Variants in PLD1 observed in about 807,000 individuals in gnomAD.
PLD1 encodes the protein choline phosphatase 1.
In PLD1, 112 loss-of-function variants were observed where a neutral mutation model predicts 137.1. The observed-to-expected ratio is 0.82, with a 90% CI of 0.70 to 0.96. PLD1 has a LOEUF of 0.96. PLD1 is among the 40% of genes least tolerant of loss of function. The pLI is 0.00. For missense variants in PLD1, 1,321 were observed against 1,342.0 expected (o/e 0.98, Z 0.24); for synonymous variants, 431 against 454.7 (o/e 0.95, Z 0.66).
At chr3:171,735,378 C>G in intron 4 of PLD1, 114 bp downstream of exon 4, 1 of 844,842 alleles carries the variant, frequency 1.2e-6, no homozygotes, top group Non-Finnish European at 2.0e-6. Flanking sequence ...TCAACTGATC[C>G]TCCTGCCTCA....
intron 11 of PLD1, 143 bp from the exon 12 acceptor site, chr3:171,699,969 A>G: frequency 1.5e-6 from 1 of 677,180 alleles, no homozygotes; most frequent in Non-Finnish European, 2.6e-6. Flanking sequence ...CTTTACTATG[A>G]GTCTAGGAAC....
chr3:171,607,406 A>C (rs966563049), intron 25 of PLD1, among the ~76,000 whole-genome samples: 17 of 152,210 alleles, frequency 1.1e-4, no homozygotes, highest in African/African-American at 4.1e-4. Context: ...TTAGAGCAAG[A>C]GATAAGCCAA....
chr3:171,606,251 G>A (rs972740335), intron 25 of PLD1, among the ~76,000 whole-genome samples: 42 of 152,160 alleles, frequency 2.8e-4, no homozygotes, highest in African/African-American at 6.5e-4. Context: ...AGCTGTAGTC[G>A]CCTTTAGCTG....
In PLD1 at chr3:171,620,740, CTCTATATA is replaced by C. The variant is rs1441898514; in HGVS notation, c.2594-228_2594-221del. On this transcript the variant is annotated intron_variant, in intron 23 of 26. Transcript: ENST00000351298. The stretch of plus-strand genomic sequence containing the variant: ...GCTTTCTCTCTCTCTCTCTCTCTCT[CTCTATATA>C]TATATATATATATATATATATTATA... Among the ~76,000 whole-genome samples the C allele has an allele frequency of 3.3e-3, 266 of 80,502 alleles. 1 individual carries two copies. The highest frequency in any genetic ancestry group is 6.8e-3 in the African/African-American group (132 of 19,536). 52.8% of individuals were successfully genotyped at this position (80,502 alleles called of 152,430 possible).
chr3:171,626,346 A>T (rs1042384934), intron 23 of PLD1, among the ~76,000 whole-genome samples: 2 of 152,226 alleles, frequency 1.3e-5, no homozygotes, highest in African/African-American at 2.4e-5. Context: ...GAAATATGGG[A>T]CTATGTGAAA....
At chr3:171,678,471 C>A (rs1713612948) in intron 16 of PLD1, among the ~76,000 whole-genome samples, 1 of 152,146 alleles carries the variant, frequency 6.6e-6, no homozygotes, top group South Asian at 2.1e-4. Flanking sequence ...TGTGCCGAGA[C>A]CATTGACTTA....
At chr3:171,656,470 C>T (rs1012676875) in intron 21 of PLD1, among the ~76,000 whole-genome samples, 3 of 152,212 alleles carry the variant, frequency 2.0e-5, no homozygotes, top group African/African-American at 7.2e-5. Context: ...CATGCCCAGC[C>T]TAATTTTATT....
rs748985008 is a variant in PLD1, at chr3:171,737,924, T to A, written c.128A>T (p.Asp43Val). The stretch of plus-strand genomic sequence containing the variant: ...TATCTTGGGATCGCTGGGAGACACG[T>A]CGTAGTCTACCTCCTCTCCCTCAAA... ...LHFEGEEVDY[D>V]VSPSDPKIQE... The change falls in exon 2 of 27, where the codon GAC becomes GTC. Residue 43 changes from aspartate to valine, a missense_variant. Coordinates refer to ENST00000351298, the MANE Select transcript of PLD1 (RefSeq NM_002662.5). The A allele has an allele frequency of 6.2e-7, 1 of 1,613,972 alleles. No individual in the cohort carries two copies. The highest frequency in any genetic ancestry group is 1.1e-5 in the South Asian group (1 of 91,054).
chr3:171,660,397 A>G (rs1204543855), intron 20 of PLD1, among the ~76,000 whole-genome samples: 1 of 152,068 alleles, frequency 6.6e-6, no homozygotes, highest in Non-Finnish European at 1.5e-5. Flanking sequence ...GAAGCTTAGC[A>G]TGCCTCAGCA....
At chr3:171,625,296 G>A (rs957560395) in intron 23 of PLD1, among the ~76,000 whole-genome samples, 1 of 152,234 alleles carries the variant, frequency 6.6e-6, no homozygotes, top group Admixed American at 6.5e-5. Flanking sequence ...CAGCGAGGCT[G>A]GGGGAGGGGC....
At chr3:171,765,614 T>G (rs1368097521) in intron 1 of PLD1, 1 of 152,252 alleles carries the variant, frequency 6.6e-6, no homozygotes, top group East Asian at 1.9e-4. Context: ...CATTCGAATC[T>G]ACTACGACCT....
At position 171,735,620 on chromosome 3, in the gene PLD1, A is replaced by C. The variant is rs755721869; in HGVS notation, c.306T>G (p.Leu102=). ...TSTTRVPSIN[L]YTIELTHGEF... Reference sequence around the variant, plus strand: ...CCCCATGTGTTAATTCAATAGTGTAAAGATTAATACTTGGTACCTACAGTG... The same window carrying C: ...CCCCATGTGTTAATTCAATAGTGTACAGATTAATACTTGGTACCTACAGTG... The change falls in exon 4 of 27, where the codon CTT becomes CTG. Residue 102 remains leucine, a synonymous_variant. Coordinates refer to ENST00000351298, the MANE Select transcript of PLD1 (RefSeq NM_002662.5). 3 of 1,528,620 alleles carry C rather than the reference A, an allele frequency of 2.0e-6. No individual in the cohort carries two copies. Among genetic ancestry groups the C allele is most frequent in the Non-Finnish European group, 2.7e-6 (3 of 1,102,126 alleles). 94.7% of individuals were successfully genotyped at this position (1,528,620 alleles called of 1,614,324 possible).
At chr3:171,694,406 T>C (rs1019588979) in intron 12 of PLD1, among the ~76,000 whole-genome samples, 6 of 152,144 alleles carry the variant, frequency 3.9e-5, no homozygotes, top group Non-Finnish European at 8.8e-5. Flanking sequence ...AACAGATTAA[T>C]TTTAATGGTC....
At position 171,714,059 on chromosome 3, in the gene PLD1, G is replaced by A; in HGVS notation, c.759-14C>T. On this transcript the variant is annotated splice_polypyrimidine_tract_variant and intron_variant, in intron 8 of 26. Coordinates refer to ENST00000351298, the MANE Select transcript of PLD1 (RefSeq NM_002662.5). The stretch of plus-strand genomic sequence containing the variant: ...ACTATTAACCATCTGTAAGAAGGTA[G>A]TAAGTATTTTTAAAAGTTGCATTGA... The A allele has an allele frequency of 6.5e-7, 1 of 1,545,060 alleles. No homozygotes were observed. Among genetic ancestry groups the A allele is most frequent in the Non-Finnish European group, 8.9e-7 (1 of 1,121,384 alleles).
At position 171,687,594 on chromosome 3, in the gene PLD1, AT is replaced by A. The variant is rs752815655; in HGVS notation, c.1540-11del. 2.7e-5 allele frequency: 42 copies of A among 1,544,826 alleles called. No homozygotes were observed. Among genetic ancestry groups the A allele is most frequent in the Non-Finnish European group, 3.5e-5 (39 of 1,125,402 alleles). On this transcript the variant is annotated splice_polypyrimidine_tract_variant and intron_variant, in intron 14 of 26. Coordinates refer to ENST00000351298, the MANE Select transcript of PLD1 (RefSeq NM_002662.5). ...ACTCCATTGCGGCAGGCTGAGAAAA[AT>A]TTTTTTTTAAAAAAAGACACTGCAT...
intron 1 of PLD1, among the ~76,000 whole-genome samples, chr3:171,803,459 T>G (rs768757329): frequency 6.6e-6 from 1 of 152,152 alleles, no homozygotes; most frequent in Admixed American, 6.6e-5. Context: ...ACCCTAACTG[T>G]AGTGTTTGCC....
chr3:171,717,909 G>T (rs1237696806), intron 8 of PLD1, among the ~76,000 whole-genome samples: 3 of 152,144 alleles, frequency 2.0e-5, no homozygotes, highest in African/African-American at 7.2e-5. Context: ...CCTTCAATGT[G>T]TAGTTTATTG....
At chr3:171,774,910 G>A (rs1158089962) in intron 1 of PLD1, among the ~76,000 whole-genome samples, 1 of 152,180 alleles carries the variant, frequency 6.6e-6, no homozygotes, top group Non-Finnish European at 1.5e-5. Context: ...GCAGGCCCCA[G>A]GAGATGCAGG....
intron 6 of PLD1, among the ~76,000 whole-genome samples, chr3:171,728,061 G>A (rs1363781842): frequency 2.0e-5 from 3 of 152,144 alleles, no homozygotes; most frequent in Non-Finnish European, 2.9e-5. Flanking sequence ...TGTAATCCCA[G>A]CATTTTGGAA....
Sources: allele counts gnomAD v4.1 joint callset (sites outside exome capture counted in the v4.1 genomes callset), GRCh38; gene constraint gnomAD v4.1.1; transcripts MANE v1.5; gene names NCBI Gene and HGNC (gene_info 2026-07-23, HGNC 2026-07-21).